Variants in MMP8 observed in about 807,000 individuals in gnomAD.
MMP8 encodes matrix metallopeptidase 8, also known as neutrophil collagenase.
In MMP8, 67 loss-of-function variants were observed where a neutral mutation model predicts 51.2. That is an observed-to-expected ratio of 1.31 (90% CI 1.08 to 1.60). The LOEUF (loss-of-function observed/expected upper bound fraction) is 1.60, where lower values mean the gene tolerates loss of function less well. MMP8 is among the 40% of genes most tolerant of loss of function. MMP8 has a pLI of 0.00. For missense variants in MMP8, 654 were observed against 558.1 expected (o/e 1.17, Z -1.73); for synonymous variants, 225 against 191.0 (o/e 1.18, Z -1.47).
chr11:102,724,345 C>T (rs542140468), intron 1 of MMP8, among the ~76,000 whole-genome samples: 2 of 152,252 alleles, frequency 1.3e-5, no homozygotes, highest in East Asian at 3.9e-4. Context: ...ACATTATTTT[C>T]TATATCTGGA....
At chr11:102,713,988 T>C in intron 8 of MMP8, 131 bp from the exon 9 acceptor site, 1 of 556,198 alleles carries the variant, frequency 1.8e-6, no homozygotes. Flanking sequence ...ATGCCCTGTT[T>C]ACTAGGATTA....
At chr11:102,722,377 G>A in intron 2 of MMP8, 52 bp downstream of exon 2, 3 of 1,580,590 alleles carry the variant, frequency 1.9e-6, no homozygotes, top group East Asian at 4.5e-5. Context: ...TCATATAAGA[G>A]CCCAGTCCAT....
intron 4 of MMP8, among the ~76,000 whole-genome samples, chr11:102,720,183 G>A (rs572065375): frequency 6.6e-6 from 1 of 152,264 alleles, no homozygotes; most frequent in East Asian, 1.9e-4. Flanking sequence ...AATACCAAGT[G>A]GAAGTATTTG....
Position 102,714,570 on chromosome 11 carries a change from A to G in MMP8, c.1176T>C (p.Asn392=). The change falls in exon 8 of 10, where the codon AAT becomes AAC. Residue 392 remains asparagine (N), a synonymous_variant. Coordinates refer to ENST00000236826, the MANE Select transcript of MMP8 (RefSeq NM_002424.3). ...GTTTACGTTACCTCCAGAATTGGTC[A>G]TTTACAAAGAAGTATGTTTTACTTC... ...FYRSKTYFFV[N]DQFWRYDNQR... The G allele has an allele frequency of 2.0e-6, 3 of 1,473,324 alleles. No individual in the cohort carries two copies. Among genetic ancestry groups the G allele is most frequent in the Non-Finnish European group, 2.7e-6 (3 of 1,109,980 alleles). 91.3% of individuals were successfully genotyped at this position (1,473,324 alleles called of 1,614,324 possible). A position where few individuals can be genotyped will look rare whatever the true frequency, so the allele number is the denominator to read the frequency against.
Position 102,716,422 on chromosome 11 carries a change from G to GTAA in MMP8, c.785-4_785-3insTTA. 3 of 495,828 alleles carry GTAA rather than the reference G, an allele frequency of 6.1e-6. No homozygotes were observed. The highest frequency in any genetic ancestry group is 3.7e-5 in the African/African-American group (1 of 27,390). The allele number at this position is 495,828 out of a possible 1,614,324, so 30.7% of individuals were successfully genotyped here. Reference sequence around the variant, plus strand: ...TTGGATAGGGTTGCTTGAAAGTCCTGGAAAAAAAAAAAAAAAAAAAAAAAA... The same window carrying GTAA: ...TTGGATAGGGTTGCTTGAAAGTCCTGTAAGAAAAAAAAAAAAAAAAAAAAAAAA... On this transcript the variant is annotated splice_region_variant and splice_polypyrimidine_tract_variant and intron_variant, in intron 5 of 9. Transcript: ENST00000236826.
intron 5 of MMP8, among the ~76,000 whole-genome samples, chr11:102,717,167 C>T (rs778023587): frequency 6.6e-5 from 10 of 152,138 alleles, no homozygotes; most frequent in Non-Finnish European, 1.0e-4. Context: ...ATATTTCACT[C>T]CAATCCACTA....
At chr11:102,722,265 GT>G (rs1861495373) in intron 2 of MMP8, among the ~76,000 whole-genome samples, 163 bp downstream of exon 2, 1 of 151,952 alleles carries the variant, frequency 6.6e-6, no homozygotes, top group African/African-American at 2.4e-5. Context: ...AGAACCCACG[GT>G]ATCTCAACAT....
rs764770114 is a variant in MMP8 at position 102,716,330 on chromosome 11, G to A, written c.874C>T (p.Arg292Cys). Reference sequence around the variant, plus strand: ...TCTTTAAAGAAAAGTATTTCTCCACGGAGTGTGGTGATAGCATCAAATGTC... The same window carrying A: ...TCTTTAAAGAAAAGTATTTCTCCACAGAGTGTGGTGATAGCATCAAATGTC... ...SLTFDAITTL[R>C]GEILFFKDRY... is the part of the protein sequence containing the mutation. Residue 292 changes from arginine to cysteine, a missense_variant, in exon 6 of 10, where the codon CGT (arginine) becomes TGT (cysteine). By Grantham distance (180) the Arg-to-Cys change is radical. Transcript: ENST00000236826. The A allele has an allele frequency of 1.7e-5, 28 of 1,604,666 alleles. No homozygotes were observed. Among genetic ancestry groups the A allele is most frequent in the Admixed American group, 1.7e-4 (10 of 59,500 alleles).
At position 102,715,341 on chromosome 11, in the gene MMP8, A is replaced by G. The variant is rs748935672; in HGVS notation, c.999T>C (p.Tyr333=). 1.2e-5 allele frequency: 19 copies of G among 1,612,940 alleles called. No homozygotes were observed. The highest frequency in any genetic ancestry group is 1.4e-5 in the Non-Finnish European group (17 of 1,179,636). The change falls in exon 7 of 10, where the codon TAT becomes TAC. Residue 333 remains tyrosine, a synonymous_variant. Coordinates refer to ENST00000236826, the MANE Select transcript of MMP8 (RefSeq NM_002424.3). ...AAATGAGGTCTCTGTCAAAATCTTC[A>G]TAAGCAGCCTGTATACCAGTTGGAA... ...PSLPTGIQAA[Y]EDFDRDLIFL...
intron 2 of MMP8, among the ~76,000 whole-genome samples, chr11:102,722,146 C>A (rs180741224): frequency 1.6e-4 from 25 of 152,022 alleles, no homozygotes; most frequent in Middle Eastern, 6.8e-3. Context: ...AATGATTAAG[C>A]CTTTGTTGGG....
At position 102,724,734 on chromosome 11, in the gene MMP8, C is replaced by G; in HGVS notation, c.102+20G>C. 1 of 1,573,860 alleles carries G rather than the reference C, an allele frequency of 6.4e-7. No homozygotes were observed. Among genetic ancestry groups the G allele is most frequent in the Non-Finnish European group, 8.7e-7 (1 of 1,154,738 alleles). ...TAATAATCAGCAAATCAAACATCAC[C>G]TAACTGATAGTTCATTTACCTGAAC... is the stretch of plus-strand genomic sequence containing the variant. On this transcript the variant is annotated intron_variant, in intron 1 of 9. Coordinates refer to ENST00000236826, the MANE Select transcript of MMP8 (RefSeq NM_002424.3).
In MMP8 at chr11:102,724,927, C is replaced by A. The variant is rs2134321138; in HGVS notation, c.-72G>T. ...CTGGGTAGGGCCCTTCCCTGGCGAGCACCCTGACGTTCACAGCATCATGTG... is the reference window on the plus strand; with the variant it reads ...CTGGGTAGGGCCCTTCCCTGGCGAGAACCCTGACGTTCACAGCATCATGTG... On this transcript the variant is annotated 5_prime_UTR_variant, in exon 1 of 10. Coordinates refer to ENST00000236826, the MANE Select transcript of MMP8 (RefSeq NM_002424.3). 9 of 1,525,780 alleles carry A rather than the reference C, an allele frequency of 5.9e-6. No homozygotes were observed. The South Asian group carries it at 1.1e-4, about 18-fold the overall frequency. 94.5% of individuals were successfully genotyped at this position (1,525,780 alleles called of 1,614,324 possible).
At chr11:102,718,097 A>C (rs1200023517) in intron 5 of MMP8, among the ~76,000 whole-genome samples, 2 of 97,214 alleles carry the variant, frequency 2.1e-5, no homozygotes, top group Non-Finnish European at 4.2e-5. Flanking sequence ...ACAGAGTGAG[A>C]CTCCATCCCC....
At chr11:102,714,806 A>ATATATATAT (rs1861238462) in intron 7 of MMP8, 97 bp from the exon 8 acceptor site, 4 of 211,730 alleles carry the variant, frequency 1.9e-5, no homozygotes, top group African/African-American at 3.4e-5. Context: ...ATATATATAT[A>ATATATATAT]CCACTTCTTG....
chr11:102,721,408 G>C lies in MMP8; in HGVS notation c.615C>G (p.Thr205=), dbSNP rs780732000. Residue 205 remains threonine (T), a synonymous_variant, in exon 4 of 10, where the codon ACC becomes ACG. Coordinates refer to ENST00000236826, the MANE Select transcript of MMP8 (RefSeq NM_002424.3). ...TAATCTTGATTAACTTACTTGCGGA[G>C]GTGTTGGTCCATGTTTCTTCGGCAT... is the stretch of plus-strand genomic sequence containing the variant. The part of the protein sequence containing the change: ...HFDAEETWTN[T]SANYNLFLVA... 5.0e-6 allele frequency: 8 copies of C among 1,613,548 alleles called. No homozygotes were observed. Among genetic ancestry groups the C allele is most frequent in the Middle Eastern group, 3.3e-4 (2 of 6,060 alleles).
chr11:102,723,785 C>T (rs781274959), intron 1 of MMP8: 55 of 259,018 alleles, frequency 2.1e-4, no homozygotes, highest in Non-Finnish European at 2.8e-4. Flanking sequence ...AAATCTTTAA[C>T]ACATAAATTC....
chr11:102,724,243 T>C (rs1292145742), intron 1 of MMP8, among the ~76,000 whole-genome samples: 1 of 152,240 alleles, frequency 6.6e-6, no homozygotes, highest in Non-Finnish European at 1.5e-5. Flanking sequence ...TTTATAATGC[T>C]TCCAAGAGTT....
In MMP8 at chr11:102,723,149, G is replaced by A. The variant is rs552427873; in HGVS notation, c.103-476C>T. 3 of 787,346 alleles carry A rather than the reference G, an allele frequency of 3.8e-6. No homozygotes were observed. The South Asian group carries it at 4.3e-5, about 11-fold the overall frequency. 48.8% of individuals were successfully genotyped at this position (787,346 alleles called of 1,614,324 possible). On this transcript the variant is annotated intron_variant, in intron 1 of 9. Transcript: ENST00000236826. ...GATGATTCAGATTTTAACTCACCAT[G>A]TTGCCTCTCAAATGAGAACTGATAA...
Position 102,716,418 on chromosome 11 carries a change from TC to T in MMP8, c.785del (p.Gly262AspfsTer22). 1 of 826,838 alleles carries T rather than the reference TC, an allele frequency of 1.2e-6. No individual in the cohort carries two copies. The highest frequency in any genetic ancestry group is 1.7e-6 in the Non-Finnish European group (1 of 574,516). The allele number at this position is 826,838 out of a possible 1,614,324, so 51.2% of individuals were successfully genotyped here. A position where few individuals can be genotyped will look rare whatever the true frequency, so the allele number is the denominator to read the frequency against. On this transcript the variant is annotated frameshift_variant and splice_region_variant, in exon 6 of 10. Transcript: ENST00000236826. LOFTEE classifies it high-confidence loss of function. ...TAGGTTGGATAGGGTTGCTTGAAAG[TC>T]CTGGAAAAAAAAAAAAAAAAAAAAA... ...DDIDGIQAIY[G>X]LSSNPIQPTG...
Sources: gnomAD v4.1 joint callset for allele counts (sites outside exome capture counted in the v4.1 genomes callset) on GRCh38, gnomAD v4.1.1 for gene constraint, MANE v1.5 for transcripts, NCBI Gene and HGNC (gene_info 2026-07-23, HGNC 2026-07-21) for gene names.